RELB: variants seen among roughly 807,000 people sequenced by gnomAD.
RELB encodes the protein RELB proto-oncogene, NF-kB subunit.
In RELB, 14 loss-of-function variants were observed where a neutral mutation model predicts 55.4. The ratio of observed to expected loss-of-function variants is 0.25; its 90% CI spans 0.17 to 0.40. The LOEUF (loss-of-function observed/expected upper bound fraction) is 0.40. Ranked by LOEUF, RELB falls within the 10% of genes least tolerant of loss-of-function variation. RELB has a pLI of 1.00. For synonymous variants in RELB, 409 were observed against 371.3 expected (o/e 1.10, Z -1.17); for missense variants, 669 against 830.7 (o/e 0.81, Z 2.39).
intron 4 of RELB, among the ~76,000 whole-genome samples, chr19:45,014,925 C>T (rs1426630276): frequency 3.1e-5 from 4 of 129,270 alleles, no homozygotes; most frequent in South Asian, 2.5e-4. Context: ...TTTTTTGAGA[C>T]GGAGTCTTGC....
At chr19:45,019,801 C>A (rs190282975) in intron 4 of RELB, among the ~76,000 whole-genome samples, 10 of 152,162 alleles carry the variant, frequency 6.6e-5, no homozygotes, top group African/African-American at 2.4e-4. Flanking sequence ...CCTCAGCCTC[C>A]CGAGTAGCTG....
chr19:45,031,354 G>A (rs917369740), intron 8 of RELB, among the ~76,000 whole-genome samples: 1 of 151,936 alleles, frequency 6.6e-6, no homozygotes, highest in Admixed American at 6.6e-5. Flanking sequence ...TGAACTCCTG[G>A]CCTCAAGTGA....
chr19:45,029,682 C>T (rs753726889), intron 8 of RELB, among the ~76,000 whole-genome samples: 1 of 152,086 alleles, frequency 6.6e-6, no homozygotes, highest in African/African-American at 2.4e-5. Flanking sequence ...AACCCCATCT[C>T]TACTAAAAAA....
chr19:45,038,091 A>C lies in RELB; in HGVS notation c.*301A>C. ...GTAGGATTCGGAAAAGATTGTACAT[A>C]TGGGAGGAGGGGGCAGATTCCTGGC... is the stretch of plus-strand genomic sequence containing the variant. On this transcript the variant is annotated 3_prime_UTR_variant, in exon 12 of 12. Transcript: ENST00000221452. 5.6e-5 allele frequency: 17 copies of C among 304,286 alleles called. No individual in the cohort carries two copies. The highest frequency in any genetic ancestry group is 1.6e-4 in the East Asian group (3 of 18,752). 18.8% of individuals were successfully genotyped at this position (304,286 alleles called of 1,614,324 possible).
intron 4 of RELB, among the ~76,000 whole-genome samples, chr19:45,013,326 A>G (rs955797661): frequency 2.0e-5 from 3 of 151,642 alleles, no homozygotes; most frequent in Non-Finnish European, 4.4e-5. Flanking sequence ...TTCTTAGTAG[A>G]GAAGGGGTTT....
intron 4 of RELB, among the ~76,000 whole-genome samples, chr19:45,017,083 C>A (rs1014972899): frequency 6.6e-6 from 1 of 152,108 alleles, no homozygotes; most frequent in African/African-American, 2.4e-5. Flanking sequence ...CAGCCACCCC[C>A]CAAATCCCAT....
chr19:45,012,006 G>T lies in RELB; in HGVS notation c.234G>T (p.Gly78=), dbSNP rs1377674549. The T allele has an allele frequency of 6.3e-7, 1 of 1,577,236 alleles. No homozygotes were observed. Among genetic ancestry groups the T allele is most frequent in the Admixed American group, 1.8e-5 (1 of 54,462 alleles). The change falls in exon 4 of 12, where the codon GGG becomes GGT. Residue 78 remains glycine (G), a synonymous_variant. Transcript: ENST00000221452. ...LDGGQPGPGE[G]LPRLVSRGAA... ...GGGGACAGCCGGGCCCGGGCGAGGG[G>T]CTGCCACGCCTGGTGTCTCGCGGGG...
In RELB at chr19:45,012,228, C is replaced by T. The variant is rs981653047; in HGVS notation, c.456C>T (p.Ile152=). ...GCGAGGGCCGCTCGGCCGGCAGCAT[C>T]CTTGGGGAGAGCAGCACCGAGGCCA... ...YECEGRSAGS[I]LGESSTEASK... Residue 152 remains isoleucine (I), a synonymous_variant, in exon 4 of 12, where the codon ATC becomes ATT. Coordinates refer to ENST00000221452, the MANE Select transcript of RELB (RefSeq NM_006509.4). 6.7e-6 allele frequency: 10 copies of T among 1,483,326 alleles called. No individual in the cohort carries two copies. The highest frequency in any genetic ancestry group is 1.5e-5 in the African/African-American group (1 of 68,300). The allele number at this position is 1,483,326 out of a possible 1,614,324, so 91.9% of individuals were successfully genotyped here.
At chr19:45,022,325 C>A in intron 5 of RELB, 115 bp downstream of exon 5, 1 of 1,039,500 alleles carries the variant, frequency 9.6e-7, no homozygotes, top group Non-Finnish European at 1.4e-6. Flanking sequence ...CTCCCCACTG[C>A]CTCTTCTAGG....
At chr19:45,033,170 G>C (rs1392962952) in intron 9 of RELB, among the ~76,000 whole-genome samples, 1 of 152,160 alleles carries the variant, frequency 6.6e-6, no homozygotes, top group African/African-American at 2.4e-5. Context: ...AAGTGCTCAA[G>C]GGCTCACATT....
At chr19:45,010,709 G>A (rs1971340266) in intron 3 of RELB, among the ~76,000 whole-genome samples, 1 of 152,040 alleles carries the variant, frequency 6.6e-6, no homozygotes, top group African/African-American at 2.4e-5. Flanking sequence ...ACAGAGTCTC[G>A]CTCTGTCGCC....
At chr19:45,021,245 G>A (rs562082356) in intron 4 of RELB, among the ~76,000 whole-genome samples, 86 of 151,920 alleles carry the variant, frequency 5.7e-4, no homozygotes, top group African/African-American at 2.0e-3. Context: ...AGGCCGAGGC[G>A]GGCGGATCAC....
chr19:45,021,767 G>A (rs957941120), intron 4 of RELB: 7 of 291,728 alleles, frequency 2.4e-5, no homozygotes, highest in Non-Finnish European at 4.5e-5. Context: ...TAGAGACTGG[G>A]TTTCACCATG....
intron 7 of RELB, among the ~76,000 whole-genome samples, chr19:45,027,252 C>A (rs1971569973): frequency 1.4e-5 from 2 of 143,602 alleles, no homozygotes; most frequent in Non-Finnish European, 3.1e-5. Context: ...AAAAAAGAAT[C>A]CTTACTTAAA....
At chr19:45,025,500 C>T in intron 6 of RELB, 80 bp downstream of exon 6, 2 of 1,560,846 alleles carry the variant, frequency 1.3e-6, no homozygotes, top group Admixed American at 3.6e-5. Flanking sequence ...CCCCTCACCA[C>T]TCCAGGCCCC....
At position 45,019,147 on chromosome 19, in the gene RELB, G is replaced by A. The variant is rs144331299; in HGVS notation, c.505-2906G>A. ...ACGCCATCACAGCTCACTGAAGCCC[G>A]GATCTCCAGGGTTCAAGCAGTTTTC... On this transcript the variant is annotated intron_variant, in intron 4 of 11. Coordinates refer to ENST00000221452, the MANE Select transcript of RELB (RefSeq NM_006509.4). Among the ~76,000 whole-genome samples, 496 of 152,124 alleles carry A rather than the reference G, an allele frequency of 3.3e-3. 4 individuals are homozygous for A. The highest frequency in any genetic ancestry group is 0.021 in the South Asian group (102 of 4,814).
At chr19:45,009,450 C>T (rs896102681) in intron 2 of RELB, among the ~76,000 whole-genome samples, 2 of 152,194 alleles carry the variant, frequency 1.3e-5, no homozygotes, top group Non-Finnish European at 2.9e-5. Flanking sequence ...GGAGGGAACA[C>T]ACCCCAATTT....
intron 8 of RELB, among the ~76,000 whole-genome samples, chr19:45,030,321 C>A (rs1971605817): frequency 6.6e-6 from 1 of 151,972 alleles, no homozygotes; most frequent in Non-Finnish European, 1.5e-5. Flanking sequence ...AAAAAAAGTT[C>A]TTTTTAATTA....
intron 4 of RELB, among the ~76,000 whole-genome samples, chr19:45,021,488 T>TA (rs774770132): frequency 2.9e-5 from 4 of 137,058 alleles, no homozygotes; most frequent in East Asian, 2.2e-4. Flanking sequence ...CTGAGTGGCC[T>TA]AAAAAAGCAG....
Sources: gnomAD v4.1 joint callset for allele counts (sites outside exome capture counted in the v4.1 genomes callset) on GRCh38, gnomAD v4.1.1 for gene constraint, MANE v1.5 for transcripts, NCBI Gene and HGNC (gene_info 2026-07-23, HGNC 2026-07-21) for gene names.